The following CABIN1 variants were observed in gnomAD, a reference collection of about 807,000 sequenced individuals.
CABIN1 encodes the protein calcineurin binding protein 1.
A neutral mutation model predicts 227.7 loss-of-function variants in CABIN1; 133 were observed. The observed-to-expected ratio is 0.58, with a 90% CI of 0.51 to 0.67. The LOEUF (loss-of-function observed/expected upper bound fraction) is 0.67. CABIN1 is among the 30% of genes least tolerant of loss of function. The probability of loss-of-function intolerance (pLI) is 0.00; values close to 1 mark genes in which losing one functional copy is unlikely to be tolerated. For synonymous variants in CABIN1, 1,086 were observed against 1,155.1 expected (o/e 0.94, Z 1.21); for missense variants, 2,408 against 2,852.5 (o/e 0.84, Z 3.55).
chr22:24,094,197 A>G (rs988164412), intron 24 of CABIN1, among the ~76,000 whole-genome samples: 1 of 152,136 alleles, frequency 6.6e-6, no homozygotes, highest in Non-Finnish European at 1.5e-5. Flanking sequence ...CTCATATGGC[A>G]CCTCTGGGAA....
At chr22:24,070,199 C>T (rs1421153982) in intron 16 of CABIN1, among the ~76,000 whole-genome samples, 5 of 152,240 alleles carry the variant, frequency 3.3e-5, no homozygotes, top group South Asian at 2.1e-4. Context: ...GTAATATGCA[C>T]ATCAGCTCAT....
chr22:24,047,755 T>A (rs1375867908), intron 6 of CABIN1, among the ~76,000 whole-genome samples: 1 of 152,264 alleles, frequency 6.6e-6, no homozygotes, highest in African/African-American at 2.4e-5. Flanking sequence ...CTGGTTTTCC[T>A]CTGTGTGTTG....
intron 23 of CABIN1, among the ~76,000 whole-genome samples, chr22:24,090,047 C>T (rs1251170420): frequency 6.6e-6 from 1 of 152,188 alleles, no homozygotes; most frequent in African/African-American, 2.4e-5. Flanking sequence ...GAGATGGTGT[C>T]TAGTAGAGCT....
At chr22:24,176,368 G>T in intron 35 of CABIN1, 93 bp downstream of exon 35, 1 of 1,385,882 alleles carries the variant, frequency 7.2e-7, no homozygotes, top group Non-Finnish European at 9.9e-7. Flanking sequence ...GCCTTGAAGG[G>T]CAGGGCCTGG....
At chr22:24,100,507 T>C (rs538893752) in intron 26 of CABIN1, among the ~76,000 whole-genome samples, 4 of 152,336 alleles carry the variant, frequency 2.6e-5, no homozygotes, top group African/African-American at 9.6e-5. Flanking sequence ...TGCTTCTCCT[T>C]CCTGGGAGGA....
intron 29 of CABIN1, among the ~76,000 whole-genome samples, chr22:24,161,232 A>C (rs1047725138): frequency 6.6e-6 from 1 of 152,166 alleles, no homozygotes; most frequent in Admixed American, 6.5e-5. Flanking sequence ...GATGCTTGGC[A>C]TGGAGGGGAA....
chr22:24,064,826 G>T (rs1377709093), intron 15 of CABIN1, among the ~76,000 whole-genome samples: 1 of 151,964 alleles, frequency 6.6e-6, no homozygotes, highest in Non-Finnish European at 1.5e-5. Context: ...AGAGCACAGG[G>T]TTGGGGGTAA....
chr22:24,024,867 T>G (rs1390987343), intron 1 of CABIN1, among the ~76,000 whole-genome samples: 5 of 151,974 alleles, frequency 3.3e-5, no homozygotes, highest in African/African-American at 1.2e-4. Context: ...TCTGTCTCTT[T>G]AGTGATAATC....
At chr22:24,164,791 C>G (rs561411688) in intron 30 of CABIN1, among the ~76,000 whole-genome samples, 6 of 152,180 alleles carry the variant, frequency 3.9e-5, no homozygotes, top group Non-Finnish European at 7.4e-5. Flanking sequence ...CCCACTGATC[C>G]TGGTTCCACG....
At chr22:24,117,766 C>A (rs2043171632) in intron 27 of CABIN1, among the ~76,000 whole-genome samples, 1 of 152,220 alleles carries the variant, frequency 6.6e-6, no homozygotes, top group African/African-American at 2.4e-5. Context: ...TGTGTCCAAG[C>A]TCTCAGTGCC....
intron 28 of CABIN1, among the ~76,000 whole-genome samples, chr22:24,125,571 G>A (rs1191237527): frequency 6.6e-6 from 1 of 152,322 alleles, no homozygotes; most frequent in East Asian, 1.9e-4. Context: ...GGTGAGCTTT[G>A]AGTTGACACT....
At position 24,177,939 on chromosome 22, in the gene CABIN1, C is replaced by G. The variant is rs2047208445; in HGVS notation, c.6520-114C>G. 2 of 945,894 alleles carry G rather than the reference C, an allele frequency of 2.1e-6. No individual in the cohort carries two copies. Among genetic ancestry groups the G allele is most frequent in the Non-Finnish European group, 1.5e-6 (1 of 681,700 alleles). The allele number at this position is 945,894 out of a possible 1,614,324, so 58.6% of individuals were successfully genotyped here. The stretch of plus-strand genomic sequence containing the variant: ...GTGTGGGTGAGGATGGCATAGGGGC[C>G]TGGGGCAGGGGTGAGGGTGGGAGGG... On this transcript the variant is annotated intron_variant, in intron 36 of 36. Coordinates refer to ENST00000263119, the MANE Select transcript of CABIN1 (RefSeq NM_012295.4). The surrounding 1 kb of genome is among the most constrained non-coding windows in gnomAD (Gnocchi z 4.4).
At chr22:24,096,904 G>C (rs556902887) in intron 25 of CABIN1, among the ~76,000 whole-genome samples, 151 of 152,326 alleles carry the variant, frequency 9.9e-4, no homozygotes, top group African/African-American at 3.4e-3. Context: ...ACTGGGCACT[G>C]TGCGGGGTTC....
intron 1 of CABIN1, among the ~76,000 whole-genome samples, chr22:24,025,424 A>AGT (rs2146678137): frequency 6.6e-6 from 1 of 152,276 alleles, no homozygotes; most frequent in Non-Finnish European, 1.5e-5. Flanking sequence ...AACCAAGGCA[A>AGT]GTATATACCA....
At chr22:24,110,523 A>G (rs2042751816) in intron 26 of CABIN1, among the ~76,000 whole-genome samples, 1 of 152,228 alleles carries the variant, frequency 6.6e-6, no homozygotes. Context: ...TGTAGATCCA[A>G]GTTTTATCTG....
At chr22:24,092,687 A>AGTGTGT (rs3221282) in intron 24 of CABIN1, among the ~76,000 whole-genome samples, 9,977 of 138,662 alleles carry the variant, frequency 0.072, 428 homozygotes, top group East Asian at 0.13. Flanking sequence ...TGATTATAAA[A>AGTGTGT]GTGTGTGTGT....
Position 24,073,656 on chromosome 22 carries a change from G to T in CABIN1, c.2632+1146G>T, listed in dbSNP as rs979072943. On this transcript the variant is annotated intron_variant, in intron 18 of 36. Coordinates refer to ENST00000263119, the MANE Select transcript of CABIN1 (RefSeq NM_012295.4). Reference sequence around the variant, plus strand: ...GATGGTGTGGTGGATGGAGAGGAGGGCACCTGATGCTGCCCATGGGTGTGG... The same window carrying T: ...GATGGTGTGGTGGATGGAGAGGAGGTCACCTGATGCTGCCCATGGGTGTGG... Among the ~76,000 whole-genome samples the T allele has an allele frequency of 3.3e-5, 5 of 152,258 alleles. No individual in the cohort carries two copies. The East Asian group carries it at 5.8e-4, about 18-fold the overall frequency.
chr22:24,152,075 C>T (rs752345127), intron 29 of CABIN1, among the ~76,000 whole-genome samples: 4 of 152,234 alleles, frequency 2.6e-5, no homozygotes, highest in Non-Finnish European at 4.4e-5. Flanking sequence ...CCTGTGCACA[C>T]CAGGTGCCGC....
chr22:24,172,296 C>T (rs774463670), intron 34 of CABIN1, among the ~76,000 whole-genome samples: 2 of 152,228 alleles, frequency 1.3e-5, no homozygotes, highest in African/African-American at 2.4e-5. Flanking sequence ...CTACTGTTTC[C>T]TCCCCACAAA....
Sources: allele counts gnomAD v4.1 joint callset (sites outside exome capture counted in the v4.1 genomes callset), GRCh38; gene constraint gnomAD v4.1.1; non-coding constraint Gnocchi (gnomAD v3.1); transcripts MANE v1.5; gene names NCBI Gene and HGNC (gene_info 2026-07-23, HGNC 2026-07-21).